The following PIEZO2 variants were observed in gnomAD, a reference collection of about 807,000 sequenced individuals.
PIEZO2 encodes piezo type mechanosensitive ion channel component 2.
PIEZO2 carries 172 observed loss-of-function variants against 337.3 expected under a neutral mutation model. That is an observed-to-expected ratio of 0.51 (90% CI 0.45 to 0.58). The LOEUF (loss-of-function observed/expected upper bound fraction) is 0.58, where lower values mean the gene tolerates loss of function less well. PIEZO2 is among the 20% of genes least tolerant of loss of function. The pLI, the probability that PIEZO2 is intolerant of heterozygous loss-of-function variation, is 0.00. For missense variants in PIEZO2, 3,028 were observed against 3,391.3 expected (o/e 0.89, Z 2.66); for synonymous variants, 1,251 against 1,228.5 (o/e 1.02, Z -0.38).
chr18:10,799,720 C>A (rs2039738238), intron 11 of PIEZO2, among the ~76,000 whole-genome samples: 1 of 152,150 alleles, frequency 6.6e-6, no homozygotes, highest in Non-Finnish European at 1.5e-5. Context: ...CCCCTGTAGT[C>A]CTAGCAGTTT....
rs929709466 is a variant in PIEZO2, at chr18:10,673,300, A to G, written c.8162-427T>C. 6.6e-6 allele frequency among the ~76,000 whole-genome samples: 1 copy of G among 152,238 alleles called. No individual in the cohort carries two copies. Among genetic ancestry groups the G allele is most frequent in the Non-Finnish European group, 1.5e-5 (1 of 68,036 alleles). On this transcript the variant is annotated intron_variant, in intron 54 of 55. Transcript: ENST00000674853. This position sits in a 1 kb window ranked among gnomAD's most constrained non-coding sequence, Gnocchi z 4.8. ...CTCAATTAGGTGCTAAAGGGTTCCA[A>G]AATTGCATATAACATTGTTCCTTAT...
rs1598455427 is a variant in PIEZO2, at chr18:10,769,097, C to A, written c.2946+1051G>T. On this transcript the variant is annotated intron_variant, in intron 21 of 55. Coordinates refer to ENST00000674853, the MANE Select transcript of PIEZO2 (RefSeq NM_001378183.1). ...TGCCTTCTCTTGTTCTTTTCCATTT[C>A]TCTTTAATACCCTAACCCTGAAATT... Among the ~76,000 whole-genome samples, 4 of 152,220 alleles carry A rather than the reference C, an allele frequency of 2.6e-5. No homozygotes were observed. In the East Asian group the frequency reaches 7.7e-4, roughly 29 times the overall value.
chr18:10,956,985 A>AAAAC (rs531655665), intron 3 of PIEZO2, among the ~76,000 whole-genome samples: 3 of 147,302 alleles, frequency 2.0e-5, no homozygotes, highest in African/African-American at 7.6e-5. Flanking sequence ...AAAAAAAAAA[A>AAAAC]AGAAATCATC....
Position 10,770,232 on chromosome 18 carries a change from C to T in PIEZO2, c.2862G>A (p.Lys954=), listed in dbSNP as rs968180101. 1.3e-6 allele frequency: 2 copies of T among 1,537,390 alleles called. No individual in the cohort carries two copies. The highest frequency in any genetic ancestry group is 1.4e-5 in the African/African-American group (1 of 73,028). The change falls in exon 21 of 56, where the codon AAG becomes AAA. Residue 954 remains lysine, a synonymous_variant. Coordinates refer to ENST00000674853, the MANE Select transcript of PIEZO2 (RefSeq NM_001378183.1). ...AAATCCACCACATGAACACCTGCAGCTTGTGAAAATACTCCAGGAATTTTA... is the reference window on the plus strand; with the variant it reads ...AAATCCACCACATGAACACCTGCAGTTTGTGAAAATACTCCAGGAATTTTA... ...LFLKFLEYFH[K]LQVFMWWILE... is the part of the protein sequence containing the mutation.
intron 7 of PIEZO2, among the ~76,000 whole-genome samples, chr18:10,852,284 G>T (rs1489531161): frequency 6.6e-6 from 1 of 152,144 alleles, no homozygotes; most frequent in Non-Finnish European, 1.5e-5. Flanking sequence ...TTCTCCAGTT[G>T]CCAGGCTAAT....
At chr18:10,918,211 C>A (rs1209381230) in intron 3 of PIEZO2, among the ~76,000 whole-genome samples, 2 of 152,006 alleles carry the variant, frequency 1.3e-5, no homozygotes, top group African/African-American at 4.8e-5. Context: ...GTCCTATTTC[C>A]CACATGAGGT....
chr18:10,951,018 GA>G (rs1346243691), intron 3 of PIEZO2, among the ~76,000 whole-genome samples: 2 of 152,156 alleles, frequency 1.3e-5, no homozygotes, highest in Admixed American at 6.5e-5. Context: ...GAAGCTGGGG[GA>G]AAAAAACACT....
At chr18:10,966,294 T>C (rs2033995366) in intron 3 of PIEZO2, among the ~76,000 whole-genome samples, 1 of 152,126 alleles carries the variant, frequency 6.6e-6, no homozygotes, top group Non-Finnish European at 1.5e-5. Flanking sequence ...CCTTAATATC[T>C]CCCCACCATC....
chr18:10,970,490 C>T (rs1468563050), intron 3 of PIEZO2, among the ~76,000 whole-genome samples: 1 of 152,178 alleles, frequency 6.6e-6, no homozygotes, highest in Non-Finnish European at 1.5e-5. Flanking sequence ...CAACTTAACT[C>T]TTCTGTTTTT....
intron 3 of PIEZO2, among the ~76,000 whole-genome samples, chr18:10,924,220 C>T (rs940498944): frequency 6.6e-6 from 1 of 152,148 alleles, no homozygotes; most frequent in Non-Finnish European, 1.5e-5. Context: ...GCTTTAGTGT[C>T]GCTTCTCTTT....
rs181926624 is a variant in PIEZO2 at position 10,852,459 on chromosome 18, T to C, written c.917+2894A>G. Among the ~76,000 whole-genome samples, 342 of 152,336 alleles carry C rather than the reference T, an allele frequency of 2.2e-3. 1 individual carries two copies. The highest frequency in any genetic ancestry group is 7.0e-3 in the African/African-American group (289 of 41,572). On this transcript the variant is annotated intron_variant, in intron 7 of 55. Transcript: ENST00000674853. ...TTTGACTGAATAGCTCTCTATAGCATGTGCCCTCTCTCTCTCTCTTTTTGT... is the reference window on the plus strand; with the variant it reads ...TTTGACTGAATAGCTCTCTATAGCACGTGCCCTCTCTCTCTCTCTTTTTGT...
chr18:10,801,812 C>T (rs1050895172), intron 9 of PIEZO2, among the ~76,000 whole-genome samples: 1 of 152,078 alleles, frequency 6.6e-6, no homozygotes, highest in Non-Finnish European at 1.5e-5. Context: ...TTGGGCTCGG[C>T]GCGGTAGCTC....
intron 3 of PIEZO2, among the ~76,000 whole-genome samples, chr18:10,911,733 G>GT (rs2030495974): frequency 2.7e-5 from 4 of 147,622 alleles, no homozygotes; most frequent in Admixed American, 6.9e-5. Context: ...TAGCCTGGGC[G>GT]ACAAGAGCAA....
rs1368023375 is a variant in PIEZO2 at position 10,967,011 on chromosome 18, G to GTTTTTTT, written c.286+12523_286+12524insAAAAAAA. Among the ~76,000 whole-genome samples the GTTTTTTT allele has an allele frequency of 5.7e-4, 62 of 109,370 alleles. 4 individuals carry two copies. Among genetic ancestry groups the GTTTTTTT allele is most frequent in the African/African-American group, 6.9e-4 (19 of 27,670 alleles). The allele number at this position is 109,370 out of a possible 152,430, so 71.8% of individuals were successfully genotyped here. ...TGTGTATATATACCACATTTTCTCT[G>GTTTTTTT]TTTTTTGTTTTTTTTTTTTTTTTTG... On this transcript the variant is annotated intron_variant, in intron 3 of 55. Coordinates refer to ENST00000674853, the MANE Select transcript of PIEZO2 (RefSeq NM_001378183.1).
In PIEZO2 at chr18:11,149,131, C is replaced by A. The variant is rs942100869; in HGVS notation, c.-543G>T. Among the ~76,000 whole-genome samples the A allele has an allele frequency of 6.6e-6, 1 of 152,136 alleles. No individual in the cohort carries two copies. Among genetic ancestry groups the A allele is most frequent in the Admixed American group, 6.5e-5 (1 of 15,284 alleles). ...GCAGGCTGCCGCGCTCTGGCCTCGG[C>A]CCCGGCTCTCGGAGCTGCCCGGCGG... On this transcript the variant is annotated 5_prime_UTR_variant, in exon 1 of 56. Coordinates refer to ENST00000674853, the MANE Select transcript of PIEZO2 (RefSeq NM_001378183.1). The surrounding 1 kb of genome is among the most constrained non-coding windows in gnomAD (Gnocchi z 8.7).
chr18:10,772,550 C>A (rs1258074155), intron 20 of PIEZO2, among the ~76,000 whole-genome samples: 1 of 152,170 alleles, frequency 6.6e-6, no homozygotes, highest in Admixed American at 6.5e-5. Context: ...GGAAAGAACA[C>A]CAGGTTTAAG....
intron 7 of PIEZO2, among the ~76,000 whole-genome samples, chr18:10,822,602 C>T (rs1270874068): frequency 1.3e-5 from 2 of 152,194 alleles, no homozygotes; most frequent in African/African-American, 4.8e-5. Context: ...TGTCTGCTGG[C>T]CTCCAATCAG....
At chr18:11,108,206 A>G (rs2146127025) in intron 1 of PIEZO2, among the ~76,000 whole-genome samples, 1 of 152,292 alleles carries the variant, frequency 6.6e-6, no homozygotes, top group East Asian at 1.9e-4. Flanking sequence ...TCAAATTAAA[A>G]CGCTTGGTAT....
intron 5 of PIEZO2, among the ~76,000 whole-genome samples, chr18:10,858,217 A>C (rs577073949): frequency 4.7e-5 from 7 of 148,024 alleles, no homozygotes; most frequent in Non-Finnish European, 1.0e-4. Context: ...GCTACTCAGG[A>C]GGCTAAGGCA....
Sources: allele counts gnomAD v4.1 joint callset (sites outside exome capture counted in the v4.1 genomes callset), GRCh38; gene constraint gnomAD v4.1.1; non-coding constraint Gnocchi (gnomAD v3.1); transcripts MANE v1.5; gene names NCBI Gene and HGNC (gene_info 2026-07-23, HGNC 2026-07-21).